PABPC4L: variants seen among roughly 807,000 people sequenced by gnomAD.
PABPC4L encodes the protein polyadenylate-binding protein 4-like.
For missense variants in PABPC4L, 452 were observed against 451.4 expected (o/e 1.00, Z -0.01); for synonymous variants, 169 against 164.1 (o/e 1.03, Z -0.23).
chr4:133,950,142 T>G, the PABPC4L span, among the ~76,000 whole-genome samples: 2 of 152,170 alleles, frequency 1.3e-5, no homozygotes, highest in Non-Finnish European at 2.9e-5. Flanking sequence ...CTTAGCATCC[T>G]CGAGTTTAAC....
chr4:134,081,897 A>T, the PABPC4L span, among the ~76,000 whole-genome samples: 1 of 152,142 alleles, frequency 6.6e-6, no homozygotes, highest in East Asian at 1.9e-4. Flanking sequence ...TCATCGGAAT[A>T]GAATATGGAT....
At chr4:134,063,094 A>AG in the PABPC4L span, among the ~76,000 whole-genome samples, 1 of 152,132 alleles carries the variant, frequency 6.6e-6, no homozygotes, top group Non-Finnish European at 1.5e-5. Context: ...TTAGCGAGCA[A>AG]CTGAGGCTGT....
chr4:134,124,845 C>A, the PABPC4L span, among the ~76,000 whole-genome samples: 4,706 of 152,156 alleles, frequency 0.031, 130 homozygotes, highest in Admixed American at 0.082. Flanking sequence ...CTTAGCAACA[C>A]CATGCCTCAT....
chr4:134,017,966 G>A, the PABPC4L span, among the ~76,000 whole-genome samples: 2 of 152,100 alleles, frequency 1.3e-5, no homozygotes, highest in East Asian at 3.9e-4. Context: ...AATATAAGAA[G>A]ACAGGAATGT....
the PABPC4L span, among the ~76,000 whole-genome samples, chr4:134,158,656 T>C: frequency 6.6e-6 from 1 of 152,164 alleles, no homozygotes; most frequent in Non-Finnish European, 1.5e-5. Context: ...GAATGTTTTT[T>C]CCTTTGTTTT....
At chr4:134,192,197 T>C (rs1262201741), downstream of PABPC4L, among the ~76,000 whole-genome samples, 1 of 152,004 alleles carries the variant, frequency 6.6e-6, no homozygotes, top group Non-Finnish European at 1.5e-5. Flanking sequence ...TAAAGAGAAA[T>C]TAAGTGCTGA....
chr4:134,050,880 ATTTTT>A, the PABPC4L span, among the ~76,000 whole-genome samples: 2 of 134,732 alleles, frequency 1.5e-5, no homozygotes, highest in African/African-American at 2.8e-5. Flanking sequence ...ATTGACCTTT[ATTTTT>A]TTTTTTTTTT....
chr4:134,180,721 C>CAA, the PABPC4L span, among the ~76,000 whole-genome samples: 1 of 151,092 alleles, frequency 6.6e-6, no homozygotes, highest in African/African-American at 2.4e-5. Flanking sequence ...TACAGAAACA[C>CAA]AAAAAAACCC....
the PABPC4L span, among the ~76,000 whole-genome samples, chr4:134,179,661 C>A: frequency 4.9e-4 from 75 of 152,076 alleles, 2 homozygotes; most frequent in East Asian, 0.014. Flanking sequence ...TGCAATGACA[C>A]CTATAGGCTC....
At chr4:133,997,932 G>A in the PABPC4L span, among the ~76,000 whole-genome samples, 1 of 151,460 alleles carries the variant, frequency 6.6e-6, no homozygotes, top group East Asian at 1.9e-4. Context: ...GTATTTTATT[G>A]TTTATATATA....
chr4:134,173,166 A>AG, the PABPC4L span, among the ~76,000 whole-genome samples: 1 of 150,318 alleles, frequency 6.7e-6, no homozygotes, highest in South Asian at 2.1e-4. Flanking sequence ...CCTCAAAAAA[A>AG]AAAAAAAAAA....
chr4:134,189,123 T>A, the PABPC4L span, among the ~76,000 whole-genome samples: 46 of 152,232 alleles, frequency 3.0e-4, no homozygotes, highest in East Asian at 1.4e-3. Flanking sequence ...GTGTTTTCGA[T>A]CTCTTGAATT....
the PABPC4L span, among the ~76,000 whole-genome samples, chr4:134,000,498 C>T: frequency 2.6e-5 from 4 of 152,014 alleles, no homozygotes; most frequent in East Asian, 3.9e-4. Context: ...TTAATCTAAC[C>T]TAAAAAATTG....
the PABPC4L span, among the ~76,000 whole-genome samples, chr4:134,005,166 C>G: frequency 6.6e-6 from 1 of 151,836 alleles, no homozygotes. Flanking sequence ...TGGATTTGAC[C>G]ATTTCACAAT....
At chr4:134,162,266 CCAAA>C in the PABPC4L span, among the ~76,000 whole-genome samples, 2 of 152,004 alleles carry the variant, frequency 1.3e-5, no homozygotes, top group East Asian at 1.9e-4. Flanking sequence ...AATAGTAAAA[CCAAA>C]CAAAGAAGGT....
chr4:134,056,364 A>G, the PABPC4L span, among the ~76,000 whole-genome samples: 3 of 151,992 alleles, frequency 2.0e-5, no homozygotes, highest in Non-Finnish European at 4.4e-5. Flanking sequence ...TTATATCTAT[A>G]TCTACATAAA....
At chr4:134,169,035 A>G in the PABPC4L span, among the ~76,000 whole-genome samples, 5 of 152,192 alleles carry the variant, frequency 3.3e-5, no homozygotes, top group Admixed American at 2.6e-4. Flanking sequence ...ACCAATCAAC[A>G]TATATGCAGA....
At chr4:134,104,353 T>A in the PABPC4L span, among the ~76,000 whole-genome samples, 3 of 151,714 alleles carry the variant, frequency 2.0e-5, no homozygotes, top group Non-Finnish European at 4.4e-5. Flanking sequence ...TTGGCAGTCA[T>A]CTAGGTGTTC....
chr4:134,029,756 T>A, the PABPC4L span, among the ~76,000 whole-genome samples: 2 of 151,976 alleles, frequency 1.3e-5, no homozygotes, highest in African/African-American at 2.4e-5. Context: ...ATATATGAAA[T>A]GTATTTTTTT....
Sources: allele counts gnomAD v4.1 joint callset (sites outside exome capture counted in the v4.1 genomes callset), GRCh38; gene constraint gnomAD v4.1.1; transcripts MANE v1.5; gene names NCBI Gene and HGNC (gene_info 2026-07-23, HGNC 2026-07-21).